RAI14: variants seen among roughly 807,000 people sequenced by gnomAD.
The protein encoded by RAI14 is retinoic acid induced 14, also known as ankycorbin.
Under a neutral mutation model 115.4 loss-of-function variants are expected in RAI14, and 45 were observed. The observed-to-expected ratio is 0.39, with a 90% confidence interval of 0.31 to 0.50. The LOEUF is 0.50. Ranked by LOEUF, RAI14 falls within the 20% of genes least tolerant of loss-of-function variation. The pLI is 0.85. For missense variants in RAI14, 939 were observed against 1,131.2 expected, an observed-to-expected ratio of 0.83 and a Z score of 2.44; for synonymous variants, 371 against 415.4, an observed-to-expected ratio of 0.89 and a Z score of 1.30.
At chr5:34,721,753 C>T (rs1742783782) in intron 2 of RAI14, among the ~76,000 whole-genome samples, 1 of 152,136 alleles carries the variant, frequency 6.6e-6, no homozygotes, top group African/African-American at 2.4e-5. Flanking sequence ...CCCTGTCACC[C>T]AGGCTGGAAT....
At chr5:34,769,343 G>C (rs1749841362) in intron 3 of RAI14, among the ~76,000 whole-genome samples, 1 of 152,138 alleles carries the variant, frequency 6.6e-6, no homozygotes, top group Non-Finnish European at 1.5e-5. Flanking sequence ...TGGGCCAATA[G>C]AGTTAATTCT....
At chr5:34,722,824 C>T (rs1358057792) in intron 2 of RAI14, among the ~76,000 whole-genome samples, 2 of 151,716 alleles carry the variant, frequency 1.3e-5, no homozygotes, top group East Asian at 3.9e-4. Context: ...AATCCCAGCA[C>T]TTTGGGAGGC....
At chr5:34,772,953 C>T (rs1389520370) in intron 3 of RAI14, among the ~76,000 whole-genome samples, 1 of 152,162 alleles carries the variant, frequency 6.6e-6, no homozygotes. Flanking sequence ...TTGTGTAAAT[C>T]TTCAGGCTGC....
rs1317270380 is a variant in RAI14, at chr5:34,831,618, T to C, written c.*853T>C. 6.6e-6 allele frequency: 1 copy of C among 152,530 alleles called. No homozygotes were observed. Among genetic ancestry groups the C allele is most frequent in the Non-Finnish European group, 1.5e-5 (1 of 68,038 alleles). 9.4% of individuals were successfully genotyped at this position (152,530 alleles called of 1,614,324 possible). A position where few individuals can be genotyped will look rare whatever the true frequency, so the allele number is the denominator to read the frequency against. On this transcript the variant is annotated 3_prime_UTR_variant, in exon 18 of 18. Coordinates refer to ENST00000265109, the MANE Select transcript of RAI14 (RefSeq NM_015577.3). The stretch of plus-strand genomic sequence containing the variant: ...GAAGTATTTTTTTCTCTGTAATATT[T>C]TTATTGGCTCATAAAGATGTTTTCA...
At chr5:34,665,257 C>T (rs1241845816) in intron 1 of RAI14, among the ~76,000 whole-genome samples, 1 of 138,342 alleles carries the variant, frequency 7.2e-6, no homozygotes, top group African/African-American at 2.7e-5. Context: ...GTTGGTTCCA[C>T]GTTTTTGCAA....
intron 1 of RAI14, among the ~76,000 whole-genome samples, chr5:34,680,099 C>T (rs1223152439): frequency 1.3e-5 from 2 of 152,142 alleles, no homozygotes; most frequent in East Asian, 1.9e-4. Flanking sequence ...ATTTTCAAAT[C>T]GGCTTAAAAC....
chr5:34,790,436 T>C (rs1752783815), intron 3 of RAI14, among the ~76,000 whole-genome samples: 1 of 152,150 alleles, frequency 6.6e-6, no homozygotes, highest in Non-Finnish European at 1.5e-5. Context: ...GCTAAAAGAG[T>C]GCACTGACCA....
At chr5:34,767,338 G>C (rs190937530) in intron 3 of RAI14, among the ~76,000 whole-genome samples, 2 of 152,238 alleles carry the variant, frequency 1.3e-5, no homozygotes, top group South Asian at 4.1e-4. Flanking sequence ...CCTGGGAAAC[G>C]TAGTTGGCTG....
chr5:34,758,343 C>T (rs944174058), intron 3 of RAI14, among the ~76,000 whole-genome samples: 1 of 152,222 alleles, frequency 6.6e-6, no homozygotes, highest in Non-Finnish European at 1.5e-5. Flanking sequence ...GATTTAAGTG[C>T]AAGTAGTTTT....
chr5:34,665,569 C>A (rs151224176), intron 1 of RAI14, among the ~76,000 whole-genome samples: 36 of 148,668 alleles, frequency 2.4e-4, no homozygotes, highest in African/African-American at 8.7e-4. Context: ...CTTAAATATT[C>A]GTGAGGCATA....
chr5:34,687,162 T>G (rs1194062103), intron 2 of RAI14, among the ~76,000 whole-genome samples: 1 of 152,198 alleles, frequency 6.6e-6, no homozygotes, highest in Non-Finnish European at 1.5e-5. Flanking sequence ...CAATGTTTTT[T>G]TATTTTTATT....
intron 2 of RAI14, among the ~76,000 whole-genome samples, chr5:34,742,609 C>A (rs1369806178): frequency 6.6e-6 from 1 of 151,128 alleles, no homozygotes; most frequent in Admixed American, 6.6e-5. Context: ...GTGCAGCAGC[C>A]TTGAGCTAAG....
rs191772123 is a variant in RAI14 at position 34,830,836 on chromosome 5, G to A, written c.*71G>A. On this transcript the variant is annotated 3_prime_UTR_variant, in exon 18 of 18. Transcript: ENST00000265109. ...GTTAGATCCAGAGTTGTCGGCAGCC[G>A]CTGCCATTGTTCTCATTCGTGGTAT... 375 of 1,597,954 alleles carry A rather than the reference G, an allele frequency of 2.3e-4. 3 individuals carry two copies. The Middle Eastern group carries it at 7.0e-3, about 30-fold the overall frequency.
At chr5:34,759,234 G>T (rs1748293710) in intron 3 of RAI14, among the ~76,000 whole-genome samples, 1 of 152,068 alleles carries the variant, frequency 6.6e-6, no homozygotes, top group Admixed American at 6.5e-5. Flanking sequence ...CTGCACTCCA[G>T]CTTGGGTGAC....
chr5:34,689,824 G>A (rs906054757), intron 2 of RAI14, among the ~76,000 whole-genome samples: 1 of 152,152 alleles, frequency 6.6e-6, no homozygotes, highest in African/African-American at 2.4e-5. Flanking sequence ...GTGAGCAAGA[G>A]ATCACGCCAT....
intron 2 of RAI14, among the ~76,000 whole-genome samples, chr5:34,692,517 G>C (rs1738760906): frequency 6.6e-6 from 1 of 151,982 alleles, no homozygotes. Flanking sequence ...CTGGGCGATA[G>C]AGCGAGACTC....
At chr5:34,720,447 G>A (rs1044281147) in intron 2 of RAI14, among the ~76,000 whole-genome samples, 1 of 116,854 alleles carries the variant, frequency 8.6e-6, no homozygotes, top group Non-Finnish European at 1.6e-5. Context: ...GTCTCGCTCT[G>A]TCGCCCAGGC....
chr5:34,814,524 A>T, intron 11 of RAI14, 59 bp from the exon 12 acceptor site: 1 of 1,294,994 alleles, frequency 7.7e-7, no homozygotes, highest in Non-Finnish European at 1.1e-6. Context: ...TCGGCACTGG[A>T]GAAGAGGAGT....
intron 17 of RAI14, 48 bp from the exon 18 acceptor site, chr5:34,830,640 A>C: frequency 6.2e-7 from 1 of 1,612,448 alleles, no homozygotes; most frequent in Admixed American, 1.7e-5. Context: ...AGAAAGTGCC[A>C]TGGCTTAATT....
Sources: allele counts gnomAD v4.1 joint callset (sites outside exome capture counted in the v4.1 genomes callset), GRCh38; gene constraint gnomAD v4.1.1; transcripts MANE v1.5; gene names NCBI Gene and HGNC (gene_info 2026-07-23, HGNC 2026-07-21).